Variants in HSPH1 observed in about 807,000 individuals in gnomAD.
HSPH1 encodes heat shock protein family H (Hsp110) member 1.
In HSPH1, 40 loss-of-function variants were observed where a neutral mutation model predicts 100.0. The observed-to-expected ratio is 0.40, with a 90% CI of 0.31 to 0.52. HSPH1 has a LOEUF of 0.52. Among genes scored for constraint, HSPH1 ranks in the 20% least tolerant of loss-of-function variants. HSPH1 has a pLI of 0.54. For synonymous variants in HSPH1, 403 were observed against 344.0 expected, an observed-to-expected ratio of 1.17 and a Z score of -1.90; for missense variants, 876 against 1,015.1, an observed-to-expected ratio of 0.86 and a Z score of 1.86.
rs972534545 is a variant in HSPH1, at chr13:31,138,981, G to A, written c.2088+19C>T. On this transcript the variant is annotated intron_variant, in intron 15 of 17. Coordinates refer to ENST00000320027, the MANE Select transcript of HSPH1 (RefSeq NM_006644.4). ...GTTTAAAACACAAGTACCACCTTTT[G>A]GGGGAGAAAACGACCTACCATTAAT... 10 of 1,592,338 alleles carry A rather than the reference G, an allele frequency of 6.3e-6. No individual in the cohort carries two copies. Among genetic ancestry groups the A allele is most frequent in the African/African-American group, 1.3e-5 (1 of 74,388 alleles).
chr13:31,143,676 A>G (rs1051142482), intron 12 of HSPH1, 116 bp downstream of exon 12: 2 of 928,778 alleles, frequency 2.2e-6, no homozygotes, highest in African/African-American at 1.7e-5. Context: ...ACAGAAAAAA[A>G]TCCTACACAG....
chr13:31,149,841 A>C (rs1956417420), intron 8 of HSPH1, 113 bp downstream of exon 8: 2 of 803,566 alleles, frequency 2.5e-6, no homozygotes, highest in Non-Finnish European at 4.2e-6. Flanking sequence ...GTTTGTTTAA[A>C]ATGTCCTTCT....
chr13:31,161,578 G>A lies in HSPH1; in HGVS notation c.5C>T (p.Ser2Leu), dbSNP rs201291379. The A allele has an allele frequency of 1.1e-4, 182 of 1,612,602 alleles. No homozygotes were observed. Among genetic ancestry groups the A allele is most frequent in the Non-Finnish European group, 1.9e-5 (23 of 1,179,528 alleles). ...CGAGCCCACGTCCAACCCCACCACC[G>A]ACATGGCCGGCTCGCGGTCCGCCTC... Reference protein sequence around the residue: MSVVGLDVGSQS... With the variant: MLVVGLDVGSQS... Residue 2 changes from serine (S) to leucine (L), a missense_variant, in exon 1 of 18, where the codon TCG becomes TTG. Physicochemically the swap from Ser to Leu is moderately radical, Grantham distance 145. Coordinates refer to ENST00000320027, the MANE Select transcript of HSPH1 (RefSeq NM_006644.4).
At chr13:31,161,063 G>A (rs577914860) in intron 1 of HSPH1, among the ~76,000 whole-genome samples, 6 of 152,348 alleles carry the variant, frequency 3.9e-5, no homozygotes, top group Admixed American at 1.3e-4. Flanking sequence ...GCTGGAGGCG[G>A]CTCAGCCAGC....
chr13:31,154,573 A>C (rs1330445214), intron 4 of HSPH1, 60 bp downstream of exon 4: 2 of 1,594,138 alleles, frequency 1.3e-6, no homozygotes, highest in Non-Finnish European at 1.7e-6. Flanking sequence ...TCATACTTAA[A>C]AGTAATACAA....
intron 8 of HSPH1, 75 bp from the exon 9 acceptor site, chr13:31,148,555 T>C (rs1166751526): frequency 3.6e-5 from 9 of 246,700 alleles, no homozygotes; most frequent in Admixed American, 5.3e-5. Flanking sequence ...TCAATTCCAA[T>C]GGATGGACAG....
chr13:31,149,454 GGT>G (rs1479797322), intron 8 of HSPH1, among the ~76,000 whole-genome samples: 6 of 151,950 alleles, frequency 3.9e-5, no homozygotes, highest in Non-Finnish European at 2.9e-5. Context: ...TTCTAGATTT[GGT>G]GTTTTTCACC....
rs182165217 is a variant in HSPH1 at position 31,144,839 on chromosome 13, A to C, written c.1584+724T>G. Among the ~76,000 whole-genome samples, 90 of 152,280 alleles carry C rather than the reference A, an allele frequency of 5.9e-4. 1 individual carries two copies. The highest frequency in any genetic ancestry group is 2.1e-3 in the African/African-American group (88 of 41,574). ...ATTAGAATTTTTCTAGATGAGAATAAAACTACGGTTCAGAATGTTTATGTT... is the reference window on the plus strand; with the variant it reads ...ATTAGAATTTTTCTAGATGAGAATACAACTACGGTTCAGAATGTTTATGTT... On this transcript the variant is annotated intron_variant, in intron 11 of 17. Coordinates refer to ENST00000320027, the MANE Select transcript of HSPH1 (RefSeq NM_006644.4).
At chr13:31,155,428 A>T in intron 3 of HSPH1, 86 bp downstream of exon 3, 1 of 1,096,810 alleles carries the variant, frequency 9.1e-7, no homozygotes, top group Non-Finnish European at 1.3e-6. Context: ...TGGTGTAATT[A>T]AGAAATTTAA....
chr13:31,137,175 T>C lies in HSPH1; in HGVS notation c.*143A>G. On this transcript the variant is annotated 3_prime_UTR_variant, in exon 18 of 18. Coordinates refer to ENST00000320027, the MANE Select transcript of HSPH1 (RefSeq NM_006644.4). ...GATCATAAAGACTACAGACTTAAGC[T>C]TTTTTTCTTTTTCCATATAATACAC... 2.8e-6 allele frequency: 2 copies of C among 725,886 alleles called. No homozygotes were observed. The highest frequency in any genetic ancestry group is 4.9e-6 in the Non-Finnish European group (2 of 407,304). 45.0% of individuals were successfully genotyped at this position (725,886 alleles called of 1,614,324 possible).
At chr13:31,153,622 A>G (rs1956565981) in intron 4 of HSPH1, among the ~76,000 whole-genome samples, 1 of 152,170 alleles carries the variant, frequency 6.6e-6, no homozygotes, top group South Asian at 2.1e-4. Flanking sequence ...ACTATTCAGG[A>G]AAAAAAGTAT....
chr13:31,147,030 C>G (rs1028630260), intron 10 of HSPH1, among the ~76,000 whole-genome samples: 8 of 152,122 alleles, frequency 5.3e-5, no homozygotes, highest in Non-Finnish European at 8.8e-5. Context: ...AAAGATCCAT[C>G]TATCTAAAGA....
At position 31,161,507 on chromosome 13, in the gene HSPH1, T is replaced by C. The variant is rs1046693452; in HGVS notation, c.76A>G (p.Ile26Val). The change falls in exon 1 of 18, where the codon ATC becomes GTC. Residue 26 changes from isoleucine (I) to valine (V), a missense_variant. Physicochemically the swap from Ile to Val is conservative, Grantham distance 29. Coordinates refer to ENST00000320027, the MANE Select transcript of HSPH1 (RefSeq NM_006644.4). ...AVARAGGIET[I>V]ANEFSDRCTP... ...CACCGGTCGCTGAACTCATTGGCGA[T>C]GGTCTCGATGCCCCCGGCCCGGGCT... The C allele has an allele frequency of 4.3e-6, 7 of 1,614,026 alleles. No individual in the cohort carries two copies. The highest frequency in any genetic ancestry group is 5.9e-6 in the Non-Finnish European group (7 of 1,179,948).
In HSPH1 at chr13:31,135,029, G is replaced by T. The variant is rs1221983922; in HGVS notation, c.*2289C>A. On this transcript the variant is annotated 3_prime_UTR_variant, in exon 18 of 18. Coordinates refer to ENST00000320027, the MANE Select transcript of HSPH1 (RefSeq NM_006644.4). Reference sequence around the variant, plus strand: ...TTGTCACAAAATGACAATTTAAAATGAATTGTAAAATTTAATCTTTAAACA... The same window carrying T: ...TTGTCACAAAATGACAATTTAAAATTAATTGTAAAATTTAATCTTTAAACA... 2.0e-5 allele frequency: 3 copies of T among 152,182 alleles called. No homozygotes were observed. The highest frequency in any genetic ancestry group is 3.8e-4 in the East Asian group (2 of 5,202). The allele number at this position is 152,182 out of a possible 1,614,324, so 9.4% of individuals were successfully genotyped here.
rs772140776 is a variant in HSPH1 at position 31,158,789 on chromosome 13, T to C, written c.165+17A>G. The stretch of plus-strand genomic sequence containing the variant: ...TCCCCCCTTAAAAAGTGATCCGAAT[T>C]CTCTTAAAGAACATACCTGATTTTT... On this transcript the variant is annotated intron_variant, in intron 2 of 17. Coordinates refer to ENST00000320027, the MANE Select transcript of HSPH1 (RefSeq NM_006644.4). 2.6e-6 allele frequency: 4 copies of C among 1,564,722 alleles called. No homozygotes were observed. In the East Asian group the frequency reaches 9.0e-5, roughly 35 times the overall value.
At chr13:31,154,927 G>A (rs1232188024) in intron 3 of HSPH1, among the ~76,000 whole-genome samples, 172 bp from the exon 4 acceptor site, 2 of 152,030 alleles carry the variant, frequency 1.3e-5, no homozygotes, top group Admixed American at 1.3e-4. Flanking sequence ...AAGGAGGGAA[G>A]GGGGAGAGAA....
intron 17 of HSPH1, 43 bp from the exon 18 acceptor site, chr13:31,137,567 T>A (rs758285152): frequency 5.5e-6 from 8 of 1,456,738 alleles, no homozygotes; most frequent in Non-Finnish European, 4.7e-6. Context: ...CTCAGATCCA[T>A]CCAGTTCATT....
intron 12 of HSPH1, among the ~76,000 whole-genome samples, chr13:31,141,607 C>T (rs1956092050): frequency 6.6e-6 from 1 of 151,972 alleles, no homozygotes; most frequent in Admixed American, 6.6e-5. Context: ...TCTTTATAGA[C>T]TCTAGAACCT....
chr13:31,156,198 G>A lies in HSPH1; in HGVS notation c.166-544C>T, dbSNP rs1329659870. On this transcript the variant is annotated intron_variant, in intron 2 of 17. Coordinates refer to ENST00000320027, the MANE Select transcript of HSPH1 (RefSeq NM_006644.4). Reference sequence around the variant, plus strand: ...GAGGTCAGGAGATGGAGACCATCCTGGCTAACACGGTGAAACCCCGTCTCT... The same window carrying A: ...GAGGTCAGGAGATGGAGACCATCCTAGCTAACACGGTGAAACCCCGTCTCT... 2.0e-5 allele frequency among the ~76,000 whole-genome samples: 3 copies of A among 152,166 alleles called. No homozygotes were observed. The East Asian group carries it at 5.8e-4, about 29-fold the overall frequency.
Sources: allele counts gnomAD v4.1 joint callset (sites outside exome capture counted in the v4.1 genomes callset), GRCh38; gene constraint gnomAD v4.1.1; transcripts MANE v1.5; gene names NCBI Gene and HGNC (gene_info 2026-07-23, HGNC 2026-07-21).